Variants in GRB14 observed in about 807,000 individuals in gnomAD.
GRB14 encodes growth factor receptor bound protein 14.
In GRB14, 38 loss-of-function variants were observed where a neutral mutation model predicts 69.1. The ratio of observed to expected loss-of-function variants is 0.55; its 90% confidence interval spans 0.42 to 0.72. The LOEUF is 0.72. Ranked by LOEUF, GRB14 falls within the 30% of genes least tolerant of loss-of-function variation. The pLI, the probability that GRB14 is intolerant of heterozygous loss-of-function variation, is 0.00. For synonymous variants in GRB14, 247 were observed against 241.3 expected (o/e 1.02, Z -0.22); for missense variants, 666 against 666.1 (o/e 1.00, Z 0.00).
intron 2 of GRB14, among the ~76,000 whole-genome samples, chr2:164,616,582 T>G (rs1025296174): frequency 2.6e-5 from 4 of 152,228 alleles, no homozygotes; most frequent in Non-Finnish European, 5.9e-5. Flanking sequence ...TTCAATGCAC[T>G]TTACCACTCA....
chr2:164,527,003 A>G lies in GRB14; in HGVS notation c.603+11T>C. On this transcript the variant is annotated intron_variant, in intron 4 of 13. Coordinates refer to ENST00000263915, the MANE Select transcript of GRB14 (RefSeq NM_004490.3). ...TTATTTTCCGTAACTATTAGGAGGG[A>G]TTTCACTTACCATTGGGTTTTTAAA... 1 of 1,558,050 alleles carries G rather than the reference A, an allele frequency of 6.4e-7. No individual in the cohort carries two copies. Among genetic ancestry groups the G allele is most frequent in the South Asian group, 1.2e-5 (1 of 85,714 alleles).
intron 9 of GRB14, 46 bp from the exon 10 acceptor site, chr2:164,497,536 T>A: frequency 6.7e-6 from 8 of 1,192,428 alleles, no homozygotes; most frequent in Non-Finnish European, 9.8e-6. Context: ...TCTTTGAAAG[T>A]TATCTTTCAA....
chr2:164,544,856 A>G (rs1240394243), intron 3 of GRB14, among the ~76,000 whole-genome samples: 2 of 152,238 alleles, frequency 1.3e-5, no homozygotes, highest in Non-Finnish European at 2.9e-5. Flanking sequence ...AATCAGAAGT[A>G]CAAACATTTT....
At chr2:164,605,868 A>T (rs1251479802) in intron 2 of GRB14, among the ~76,000 whole-genome samples, 1 of 152,152 alleles carries the variant, frequency 6.6e-6, no homozygotes, top group Non-Finnish European at 1.5e-5. Flanking sequence ...GAGATATCCA[A>T]CCCTCATGAG....
chr2:164,504,330 A>G (rs1385426305), intron 8 of GRB14, among the ~76,000 whole-genome samples: 1 of 152,156 alleles, frequency 6.6e-6, no homozygotes, highest in African/African-American at 2.4e-5. Context: ...TACAATGGTA[A>G]ACGCTGGAAA....
At chr2:164,555,202 A>T (rs1199017399) in intron 2 of GRB14, among the ~76,000 whole-genome samples, 1 of 152,240 alleles carries the variant, frequency 6.6e-6, no homozygotes, top group Non-Finnish European at 1.5e-5. Context: ...GGCATGGGAT[A>T]GCCAGATCCT....
intron 2 of GRB14, among the ~76,000 whole-genome samples, chr2:164,608,876 G>T (rs1396874826): frequency 1.3e-5 from 2 of 152,064 alleles, no homozygotes. Flanking sequence ...CATTTTTTAG[G>T]TATTAGAAAA....
At chr2:164,562,412 T>C (rs1320563496) in intron 2 of GRB14, among the ~76,000 whole-genome samples, 1 of 152,116 alleles carries the variant, frequency 6.6e-6, no homozygotes, top group Non-Finnish European at 1.5e-5. Flanking sequence ...CCTTCTAAAG[T>C]TACAGAAAGG....
Position 164,612,155 on chromosome 2 carries a change from C to T in GRB14, c.324+7532G>A, listed in dbSNP as rs193181962. Among the ~76,000 whole-genome samples the T allele has an allele frequency of 6.5e-3, 987 of 152,236 alleles. 8 individuals carry two copies. Among genetic ancestry groups the T allele is most frequent in the African/African-American group, 0.022 (924 of 41,530 alleles). On this transcript the variant is annotated intron_variant, in intron 2 of 13. Coordinates refer to ENST00000263915, the MANE Select transcript of GRB14 (RefSeq NM_004490.3). The stretch of plus-strand genomic sequence containing the variant: ...CTTTCCACAGAAGCAATTTTAAAAA[C>T]GGTACACGCAATGTTGTAAGAGCAC...
Position 164,499,303 on chromosome 2 carries a change from A to G in GRB14, c.1105-1813T>C, listed in dbSNP as rs1025189799. Reference sequence around the variant, plus strand: ...TGTGTTCCCTATTTACTTGACATACATAAGAAGACGACACTACAAATAAGG... The same window carrying G: ...TGTGTTCCCTATTTACTTGACATACGTAAGAAGACGACACTACAAATAAGG... On this transcript the variant is annotated intron_variant, in intron 9 of 13. Transcript: ENST00000263915. Among the ~76,000 whole-genome samples, 5 of 152,178 alleles carry G rather than the reference A, an allele frequency of 3.3e-5. No individual in the cohort carries two copies. In the East Asian group the frequency reaches 7.7e-4, roughly 23 times the overall value.
At chr2:164,566,389 T>C (rs1202619887) in intron 2 of GRB14, among the ~76,000 whole-genome samples, 1 of 152,126 alleles carries the variant, frequency 6.6e-6, no homozygotes, top group Non-Finnish European at 1.5e-5. Flanking sequence ...AATGGTGTGC[T>C]AAATTATATA....
chr2:164,596,500 C>T (rs1689784296), intron 2 of GRB14, among the ~76,000 whole-genome samples: 1 of 152,094 alleles, frequency 6.6e-6, no homozygotes, highest in Non-Finnish European at 1.5e-5. Flanking sequence ...AACCAAAGTC[C>T]TTTTTAAAAA....
chr2:164,611,678 G>A (rs773757759), intron 2 of GRB14, among the ~76,000 whole-genome samples: 1 of 151,398 alleles, frequency 6.6e-6, no homozygotes, highest in Non-Finnish European at 1.5e-5. Context: ...CCTACTAGAT[G>A]TGATTCCTTT....
chr2:164,545,268 C>T (rs927127203), intron 3 of GRB14, among the ~76,000 whole-genome samples: 1 of 151,962 alleles, frequency 6.6e-6, no homozygotes, highest in African/African-American at 2.4e-5. Flanking sequence ...AACTATAGCC[C>T]CCGAAAGATA....
intron 5 of GRB14, 28 bp downstream of exon 5, chr2:164,524,976 T>G: frequency 1.6e-6 from 2 of 1,268,372 alleles, no homozygotes; most frequent in Non-Finnish European, 2.2e-6. Context: ...TGCTATTATT[T>G]ATATATGTTA....
At chr2:164,505,297 G>A (rs978169008) in intron 8 of GRB14, among the ~76,000 whole-genome samples, 1 of 151,966 alleles carries the variant, frequency 6.6e-6, no homozygotes, top group African/African-American at 2.4e-5. Flanking sequence ...CATTGAAATG[G>A]AAGAATTAAA....
At chr2:164,617,340 G>A (rs1351948780) in intron 2 of GRB14, among the ~76,000 whole-genome samples, 1 of 152,126 alleles carries the variant, frequency 6.6e-6, no homozygotes, top group Non-Finnish European at 1.5e-5. Flanking sequence ...GAAGGTCATT[G>A]TGGACACAGG....
intron 2 of GRB14, 70 bp from the exon 3 acceptor site, chr2:164,547,886 A>G: frequency 9.2e-7 from 1 of 1,087,570 alleles, no homozygotes; most frequent in Non-Finnish European, 1.3e-6. Context: ...TTTATTGTAT[A>G]TATTTAAAGT....
chr2:164,503,887 G>T (rs1358708078), intron 8 of GRB14, among the ~76,000 whole-genome samples: 1 of 152,086 alleles, frequency 6.6e-6, no homozygotes, highest in African/African-American at 2.4e-5. Context: ...TTGCCTCTGT[G>T]CTTCTGAAGG....
Sources: allele counts gnomAD v4.1 joint callset (sites outside exome capture counted in the v4.1 genomes callset), GRCh38; gene constraint gnomAD v4.1.1; transcripts MANE v1.5; gene names NCBI Gene and HGNC (gene_info 2026-07-23, HGNC 2026-07-21).